PPP2CA: variants seen among roughly 807,000 people sequenced by gnomAD.
PPP2CA encodes serine/threonine-protein phosphatase 2A catalytic subunit alpha isoform.
PPP2CA carries 5 observed loss-of-function variants against 38.8 expected under a neutral mutation model. The ratio of observed to expected loss-of-function variants is 0.13; its 90% confidence interval spans 0.07 to 0.27. PPP2CA has a LOEUF of 0.27. Among genes scored for constraint, PPP2CA ranks in the 10% least tolerant of loss-of-function variants. PPP2CA has a pLI of 1.00. For synonymous variants in PPP2CA, 152 were observed against 134.0 expected, an observed-to-expected ratio of 1.13 and a Z score of -0.93; for missense variants, 88 against 389.7, an observed-to-expected ratio of 0.23 and a Z score of 6.52.
rs1219890746 is a variant in PPP2CA, at chr5:134,197,646, G to C, written c.*126C>G. 9.5e-6 allele frequency: 7 copies of C among 739,906 alleles called. No homozygotes were observed. The highest frequency in any genetic ancestry group is 2.7e-5 in the East Asian group (1 of 37,030). 45.8% of individuals were successfully genotyped at this position (739,906 alleles called of 1,614,324 possible). On this transcript the variant is annotated 3_prime_UTR_variant, in exon 7 of 7. Coordinates refer to ENST00000481195, the MANE Select transcript of PPP2CA (RefSeq NM_002715.4). ...GTATTTTTATATGGCACATCTTTTG[G>C]TCCATGTGAAAACAAGTTTTTTGAA...
chr5:134,224,743 A>G (rs1434859022), intron 1 of PPP2CA, among the ~76,000 whole-genome samples: 2 of 152,258 alleles, frequency 1.3e-5, no homozygotes, highest in East Asian at 1.9e-4. Context: ...GGAAAACAAA[A>G]GGGAATTAGC....
At chr5:134,217,183 G>A (rs946152318) in intron 1 of PPP2CA, among the ~76,000 whole-genome samples, 1 of 152,092 alleles carries the variant, frequency 6.6e-6, no homozygotes, top group African/African-American at 2.4e-5. Flanking sequence ...GGGAGGCTGG[G>A]GCAGGAGAAT....
intron 6 of PPP2CA, among the ~76,000 whole-genome samples, chr5:134,198,815 G>A (rs1389960309): frequency 1.3e-5 from 2 of 152,144 alleles, no homozygotes; most frequent in East Asian, 1.9e-4. Flanking sequence ...ATCCACCCGA[G>A]CCTTCCAAAG....
In PPP2CA at chr5:134,194,949, T is replaced by TA. The variant is rs1761817421; in HGVS notation, c.*2822dup. ...GTAAATTAGAATCACTTGGGAAACTTAAAAAATGTATGCCTGGGCCCTCCT... is the reference window on the plus strand; with the variant it reads ...GTAAATTAGAATCACTTGGGAAACTTAAAAAAATGTATGCCTGGGCCCTCCT... On this transcript the variant is annotated 3_prime_UTR_variant, in exon 7 of 7. Coordinates refer to ENST00000481195, the MANE Select transcript of PPP2CA (RefSeq NM_002715.4). 6.6e-6 allele frequency: 1 copy of TA among 152,080 alleles called. No homozygotes were observed. Among genetic ancestry groups the TA allele is most frequent in the Non-Finnish European group, 1.5e-5 (1 of 68,020 alleles). 9.4% of individuals were successfully genotyped at this position (152,080 alleles called of 1,614,324 possible). A position where few individuals can be genotyped will look rare whatever the true frequency, so the allele number is the denominator to read the frequency against.
chr5:134,208,833 A>G (rs991394744), intron 1 of PPP2CA, among the ~76,000 whole-genome samples: 1 of 152,228 alleles, frequency 6.6e-6, no homozygotes, highest in African/African-American at 2.4e-5. Flanking sequence ...ACTAGAAACA[A>G]TATTGTTCAG....
chr5:134,211,796 C>T (rs1323800243), intron 1 of PPP2CA, among the ~76,000 whole-genome samples: 1 of 151,802 alleles, frequency 6.6e-6, no homozygotes, highest in Non-Finnish European at 1.5e-5. Flanking sequence ...TTTAAAAGTA[C>T]ATGAACCAAC....
At chr5:134,224,141 A>T (rs1287109235) in intron 1 of PPP2CA, 2 of 346,544 alleles carry the variant, frequency 5.8e-6, no homozygotes, top group Non-Finnish European at 1.1e-5. Flanking sequence ...CTTTCATATA[A>T]TGCACTGAAT....
intron 1 of PPP2CA, among the ~76,000 whole-genome samples, chr5:134,225,157 G>A (rs570366923): frequency 6.6e-6 from 1 of 152,054 alleles, no homozygotes; most frequent in South Asian, 2.1e-4. Context: ...CATGACCTTC[G>A]TAAAAATTAG....
rs1245059117 is a variant in PPP2CA, at chr5:134,197,735, A to C, written c.*37T>G. 6.6e-7 allele frequency: 1 copy of C among 1,508,350 alleles called. No homozygotes were observed. Among genetic ancestry groups the C allele is most frequent in the Admixed American group, 1.7e-5 (1 of 59,612 alleles). The allele number at this position is 1,508,350 out of a possible 1,614,324, so 93.4% of individuals were successfully genotyped here. A position where few individuals can be genotyped will look rare whatever the true frequency, so the allele number is the denominator to read the frequency against. ...CTTCCCATTTCCATTAGGTCGATATATGGTTCATGGCAATACTGTACAAGT... is the reference window on the plus strand; with the variant it reads ...CTTCCCATTTCCATTAGGTCGATATCTGGTTCATGGCAATACTGTACAAGT... On this transcript the variant is annotated 3_prime_UTR_variant, in exon 7 of 7. Coordinates refer to ENST00000481195, the MANE Select transcript of PPP2CA (RefSeq NM_002715.4).
chr5:134,202,188 C>T (rs1371273842), intron 2 of PPP2CA, 167 bp from the exon 3 acceptor site: 1 of 607,652 alleles, frequency 1.6e-6, no homozygotes, highest in Non-Finnish European at 2.7e-6. Context: ...TTTTTAAATG[C>T]CCATGGGGTG....
intron 1 of PPP2CA, among the ~76,000 whole-genome samples, chr5:134,218,138 C>G (rs1475802684): frequency 6.6e-6 from 1 of 151,830 alleles, no homozygotes; most frequent in East Asian, 1.9e-4. Context: ...ATTAACTACA[C>G]TGAACAGATA....
intron 1 of PPP2CA, among the ~76,000 whole-genome samples, chr5:134,213,591 G>A (rs1400464151): frequency 6.6e-6 from 1 of 151,882 alleles, no homozygotes; most frequent in Non-Finnish European, 1.5e-5. Flanking sequence ...TTCAAGATCA[G>A]CCTGGGCAAT....
intron 1 of PPP2CA, among the ~76,000 whole-genome samples, chr5:134,207,424 CA>C (rs1762107384): frequency 6.6e-6 from 1 of 151,580 alleles, no homozygotes; most frequent in Admixed American, 6.8e-5. Context: ...ACAAAAACAC[CA>C]ATGCCCATTC....
At chr5:134,222,451 AAACT>A (rs1283911198) in intron 1 of PPP2CA, among the ~76,000 whole-genome samples, 4 of 152,214 alleles carry the variant, frequency 2.6e-5, no homozygotes, top group African/African-American at 9.7e-5. Context: ...ACAAATGTTA[AAACT>A]AACATTTTAA....
At chr5:134,201,688 T>C (rs921378942) in intron 3 of PPP2CA, among the ~76,000 whole-genome samples, 160 bp downstream of exon 3, 2 of 152,190 alleles carry the variant, frequency 1.3e-5, no homozygotes, top group Non-Finnish European at 2.9e-5. Flanking sequence ...TTGGACACAT[T>C]TGTCAAATTA....
At chr5:134,222,862 G>A (rs1264240064) in intron 1 of PPP2CA, among the ~76,000 whole-genome samples, 1 of 152,166 alleles carries the variant, frequency 6.6e-6, no homozygotes, top group Non-Finnish European at 1.5e-5. Context: ...TTTTGTATAA[G>A]TCTTAATCAC....
At position 134,194,445 on chromosome 5, in the gene PPP2CA, T is replaced by A. The variant is rs1289945254; in HGVS notation, c.*3327A>T. The A allele has an allele frequency of 6.6e-6, 1 of 152,240 alleles. No homozygotes were observed. Among genetic ancestry groups the A allele is most frequent in the Non-Finnish European group, 1.5e-5 (1 of 68,042 alleles). The allele number at this position is 152,240 out of a possible 1,614,324, so 9.4% of individuals were successfully genotyped here. A position where few individuals can be genotyped will look rare whatever the true frequency, so the allele number is the denominator to read the frequency against. On this transcript the variant is annotated 3_prime_UTR_variant, in exon 7 of 7. Coordinates refer to ENST00000481195, the MANE Select transcript of PPP2CA (RefSeq NM_002715.4). ...GGTTACTAAACTATAGGCCCATTTC[T>A]AAGAACACATTTATGGTTGGAAGCA...
At chr5:134,203,418 A>AGTGAG (rs1480308783) in intron 2 of PPP2CA, 2 of 152,226 alleles carry the variant, frequency 1.3e-5, no homozygotes, top group African/African-American at 2.4e-5. Flanking sequence ...CTTAAACAAC[A>AGTGAG]GAAATTTACT....
chr5:134,197,652 G>A lies in PPP2CA; in HGVS notation c.*120C>T. 1 of 807,740 alleles carries A rather than the reference G, an allele frequency of 1.2e-6. No individual in the cohort carries two copies. The highest frequency in any genetic ancestry group is 2.7e-5 in the East Asian group (1 of 37,478). The allele number at this position is 807,740 out of a possible 1,614,324, so 50.0% of individuals were successfully genotyped here. A position where few individuals can be genotyped will look rare whatever the true frequency, so the allele number is the denominator to read the frequency against. On this transcript the variant is annotated 3_prime_UTR_variant, in exon 7 of 7. Transcript: ENST00000481195. ...TTATATGGCACATCTTTTGGTCCAT[G>A]TGAAAACAAGTTTTTTGAATGTTAA...
Sources: gnomAD v4.1 joint callset for allele counts (sites outside exome capture counted in the v4.1 genomes callset) on GRCh38, gnomAD v4.1.1 for gene constraint, MANE v1.5 for transcripts, NCBI Gene and HGNC (gene_info 2026-07-23, HGNC 2026-07-21) for gene names.